SPRED1: variants seen among roughly 807,000 people sequenced by gnomAD.
SPRED1 encodes sprouty related EVH1 domain containing 1.
A neutral mutation model predicts 52.3 loss-of-function variants in SPRED1; 18 were observed. That is an observed-to-expected ratio of 0.34 (90% confidence interval 0.24 to 0.51). The LOEUF (loss-of-function observed/expected upper bound fraction) is 0.51. SPRED1 is among the 20% of genes least tolerant of loss of function. The probability of loss-of-function intolerance (pLI) is 0.97; values close to 1 mark genes in which losing one functional copy is unlikely to be tolerated. For synonymous variants in SPRED1, 155 were observed against 179.7 expected, an observed-to-expected ratio of 0.86 and a Z score of 1.10; for missense variants, 485 against 551.0, an observed-to-expected ratio of 0.88 and a Z score of 1.20.
intron 5 of SPRED1, among the ~76,000 whole-genome samples, chr15:38,347,485 T>G: frequency 1.1e-5 from 1 of 94,104 alleles, no homozygotes; most frequent in Admixed American, 1.1e-4. Context: ...TTTTTTTTTT[T>G]CAATTTGGCT....
At chr15:38,281,755 A>T (rs1056891673) in intron 1 of SPRED1, among the ~76,000 whole-genome samples, 1 of 151,924 alleles carries the variant, frequency 6.6e-6, no homozygotes. Context: ...CCCTTTGAGA[A>T]ATGTACATTT....
intron 2 of SPRED1, among the ~76,000 whole-genome samples, chr15:38,309,452 C>T (rs1412369596): frequency 6.6e-6 from 1 of 152,108 alleles, no homozygotes; most frequent in Non-Finnish European, 1.5e-5. Context: ...TGCTTTTTTA[C>T]TATTGTGTTT....
chr15:38,329,406 G>A (rs1595750508), intron 4 of SPRED1, among the ~76,000 whole-genome samples: 1 of 152,248 alleles, frequency 6.6e-6, no homozygotes, highest in East Asian at 1.9e-4. Context: ...AATTGTTCAT[G>A]TAATGATTTT....
chr15:38,278,826 C>CTCTTTTTT (rs1199715229), intron 1 of SPRED1, among the ~76,000 whole-genome samples: 1 of 39,886 alleles, frequency 2.5e-5, no homozygotes, highest in African/African-American at 5.8e-5. Flanking sequence ...CCTAACTACA[C>CTCTTTTTT]TGTTTTTTTT....
At chr15:38,278,575 T>C (rs1355638320) in intron 1 of SPRED1, among the ~76,000 whole-genome samples, 2 of 152,184 alleles carry the variant, frequency 1.3e-5, no homozygotes, top group African/African-American at 2.4e-5. Flanking sequence ...GGGAGATTGG[T>C]TTTAGGATGA....
In SPRED1 at chr15:38,324,794, G is replaced by T. The variant is rs765800186; in HGVS notation, c.408G>T (p.Gly136=). The T allele has an allele frequency of 1.4e-5, 22 of 1,611,558 alleles. No homozygotes were observed. The South Asian group carries it at 2.4e-4, about 18-fold the overall frequency. The stretch of plus-strand genomic sequence containing the variant: ...CCGAATCAAAAAATGAAGCTGAAGG[G>T]GCAGATGACTTACAAGTAAGTAATG... ...GCPESKNEAE[G]ADDLQANEED... is the part of the protein sequence containing the mutation. Residue 136 remains glycine, a synonymous_variant, in exon 4 of 7, where the codon GGG becomes GGT. Transcript: ENST00000299084.
chr15:38,259,485 A>T (rs533369531), intron 1 of SPRED1, among the ~76,000 whole-genome samples: 1 of 152,230 alleles, frequency 6.6e-6, no homozygotes, highest in East Asian at 1.9e-4. Context: ...GGCTCAAGTG[A>T]TCCTCTTGCC....
chr15:38,312,269 A>G (rs1034256330), intron 2 of SPRED1, among the ~76,000 whole-genome samples: 2 of 152,150 alleles, frequency 1.3e-5, no homozygotes, highest in South Asian at 2.1e-4. Flanking sequence ...CATCAACATT[A>G]TATGAGCCCA....
At chr15:38,308,630 A>G (rs73398438) in intron 2 of SPRED1, among the ~76,000 whole-genome samples, 7,655 of 152,126 alleles carry the variant, frequency 0.05, 341 homozygotes, top group African/African-American at 0.11. Context: ...TTCTTTCATG[A>G]TCATTCTCCG....
rs569446106 is a variant in SPRED1, at chr15:38,289,468, C to A, written c.33-9905C>A. Among the ~76,000 whole-genome samples the A allele has an allele frequency of 5.9e-5, 9 of 152,016 alleles. No individual in the cohort carries two copies. In the East Asian group the frequency reaches 1.7e-3, roughly 29 times the overall value. On this transcript the variant is annotated intron_variant, in intron 1 of 6. Coordinates refer to ENST00000299084, the MANE Select transcript of SPRED1 (RefSeq NM_152594.3). ...TAGACAGAATATGTCCTGCCCCTCC[C>A]CAAAGATGGCCTTGCCCTAATCTCC...
rs568249901 is a variant in SPRED1, at chr15:38,283,233, AAC to A, written c.33-16136_33-16135del. ...AGAGCGTGTTAAGGGGGAACTGTCA[AAC>A]ACATATATAACCATCAGATCTCGTG... On this transcript the variant is annotated intron_variant, in intron 1 of 6. Coordinates refer to ENST00000299084, the MANE Select transcript of SPRED1 (RefSeq NM_152594.3). Among the ~76,000 whole-genome samples the A allele has an allele frequency of 1.1e-3, 166 of 152,244 alleles. 1 individual carries two copies. The highest frequency in any genetic ancestry group is 1.6e-3 in the Non-Finnish European group (106 of 68,016).
chr15:38,259,284 C>G (rs1894159928), intron 1 of SPRED1, among the ~76,000 whole-genome samples: 1 of 152,102 alleles, frequency 6.6e-6, no homozygotes, highest in Admixed American at 6.5e-5. Flanking sequence ...CAGGGTCTTG[C>G]AGTGTTGTCC....
At chr15:38,257,976 A>C (rs1291293017) in intron 1 of SPRED1, among the ~76,000 whole-genome samples, 1 of 152,228 alleles carries the variant, frequency 6.6e-6, no homozygotes, top group African/African-American at 2.4e-5. Context: ...GGTAAAGACA[A>C]GCCTGCTTTT....
chr15:38,276,969 A>G (rs909455317), intron 1 of SPRED1, among the ~76,000 whole-genome samples: 1 of 152,192 alleles, frequency 6.6e-6, no homozygotes, highest in Non-Finnish European at 1.5e-5. Context: ...GCTAGTTTAT[A>G]ATAGCAGGCT....
intron 1 of SPRED1, among the ~76,000 whole-genome samples, chr15:38,290,816 A>C (rs1475914625): frequency 6.6e-6 from 1 of 152,144 alleles, no homozygotes; most frequent in Non-Finnish European, 1.5e-5. Context: ...CTCCTACAAC[A>C]TGTGGGAATT....
At chr15:38,276,403 T>C (rs1469080529) in intron 1 of SPRED1, among the ~76,000 whole-genome samples, 2 of 152,144 alleles carry the variant, frequency 1.3e-5, no homozygotes, top group African/African-American at 4.8e-5. Context: ...TAGTGCACTA[T>C]CATTTCATAA....
intron 2 of SPRED1, among the ~76,000 whole-genome samples, chr15:38,300,367 G>C (rs1401250250): frequency 6.6e-6 from 1 of 152,108 alleles, no homozygotes; most frequent in African/African-American, 2.4e-5. Flanking sequence ...TCCCAAAATA[G>C]AGCCTTGAAA....
chr15:38,310,154 T>TGTGTGTGTGTG (rs1566863248), intron 2 of SPRED1, among the ~76,000 whole-genome samples: 9 of 6,202 alleles, frequency 1.5e-3, no homozygotes, highest in East Asian at 6.4e-3. Context: ...TGTGTGTGTG[T>TGTGTGTGTGTG]TTGGAGACGA....
intron 1 of SPRED1, among the ~76,000 whole-genome samples, chr15:38,287,794 G>A (rs1004272165): frequency 2.0e-5 from 3 of 152,172 alleles, no homozygotes; most frequent in African/African-American, 7.2e-5. Flanking sequence ...TTATATCAGG[G>A]ACTTGAGCGT....
Sources: allele counts gnomAD v4.1 joint callset (sites outside exome capture counted in the v4.1 genomes callset), GRCh38; gene constraint gnomAD v4.1.1; transcripts MANE v1.5; gene names NCBI Gene and HGNC (gene_info 2026-07-23, HGNC 2026-07-21).